CFAP20DC: variants seen among roughly 807,000 people sequenced by gnomAD.
CFAP20DC encodes CFAP20 domain containing, also known as protein CFAP20DC.
A neutral mutation model predicts 101.7 loss-of-function variants in CFAP20DC; 84 were observed. The observed-to-expected ratio is 0.83, with a 90% CI of 0.69 to 0.99. CFAP20DC has a LOEUF of 0.99. Ranked by LOEUF, CFAP20DC falls within the 50% of genes least tolerant of loss-of-function variation. The pLI, the probability that CFAP20DC is intolerant of heterozygous loss-of-function variation, is 0.00. For missense variants in CFAP20DC, 1,007 were observed against 970.3 expected (o/e 1.04, Z -0.50); for synonymous variants, 359 against 351.2 (o/e 1.02, Z -0.25).
chr3:58,779,218 T>C (rs1224960256), intron 15 of CFAP20DC, among the ~76,000 whole-genome samples: 2 of 151,906 alleles, frequency 1.3e-5, no homozygotes, highest in East Asian at 1.9e-4. Flanking sequence ...AATATAAAAA[T>C]ATCAGAAAAA....
At chr3:58,908,598 C>A (rs541713831) in intron 6 of CFAP20DC, among the ~76,000 whole-genome samples, 2 of 152,152 alleles carry the variant, frequency 1.3e-5, no homozygotes, top group African/African-American at 4.8e-5. Flanking sequence ...TTGCAAGTTT[C>A]TTACAAAACT....
intron 7 of CFAP20DC, among the ~76,000 whole-genome samples, chr3:58,883,681 A>G (rs753902026): frequency 6.6e-6 from 1 of 152,160 alleles, no homozygotes; most frequent in Non-Finnish European, 1.5e-5. Context: ...TCATTCAAAT[A>G]CTTCAGTGTT....
intron 15 of CFAP20DC, among the ~76,000 whole-genome samples, chr3:58,781,050 G>A (rs904468993): frequency 5.9e-5 from 9 of 151,772 alleles, no homozygotes; most frequent in African/African-American, 2.2e-4. Context: ...TAAAATAAGT[G>A]TCAATACATT....
intron 4 of CFAP20DC, among the ~76,000 whole-genome samples, chr3:58,991,129 G>A (rs779474392): frequency 1.3e-5 from 2 of 152,140 alleles, no homozygotes; most frequent in Non-Finnish European, 2.9e-5. Context: ...ACACTTGAAT[G>A]AATCAGTATG....
At chr3:58,822,830 C>G (rs1389152049) in intron 14 of CFAP20DC, among the ~76,000 whole-genome samples, 1 of 152,094 alleles carries the variant, frequency 6.6e-6, no homozygotes, top group Non-Finnish European at 1.5e-5. Context: ...TTCTCCTGTT[C>G]TCCCCTGCAG....
At chr3:58,884,737 C>G (rs2081481549) in intron 6 of CFAP20DC, 28 bp from the exon 7 acceptor site, 1 of 1,579,708 alleles carries the variant, frequency 6.3e-7, no homozygotes, top group African/African-American at 1.4e-5. Context: ...CATTCATTTT[C>G]AAAATGTAAG....
Position 58,873,671 on chromosome 3 carries a change from T to C in CFAP20DC, c.716-3362A>G, listed in dbSNP as rs1334519738. Among the ~76,000 whole-genome samples, 825 of 86,962 alleles carry C rather than the reference T, an allele frequency of 9.5e-3. No individual in the cohort carries two copies. In the Middle Eastern group the frequency reaches 0.1, roughly 11 times the overall value. The allele number at this position is 86,962 out of a possible 152,430, so 57.1% of individuals were successfully genotyped here. On this transcript the variant is annotated intron_variant, in intron 7 of 16. Coordinates refer to ENST00000482387, the MANE Select transcript of CFAP20DC (RefSeq NM_001394063.1). ...GGTGTTCAAGCAGAAGTCTGGATAG[T>C]TATGCTGGATGCTGTCAGGCAGGTG... is the stretch of plus-strand genomic sequence containing the variant.
chr3:58,825,074 A>C (rs994093425), intron 14 of CFAP20DC, among the ~76,000 whole-genome samples: 2 of 152,174 alleles, frequency 1.3e-5, no homozygotes, highest in Non-Finnish European at 2.9e-5. Context: ...AGAGACAGTG[A>C]AATGAAATAT....
intron 4 of CFAP20DC, among the ~76,000 whole-genome samples, chr3:58,969,106 G>A (rs1175313949): frequency 6.6e-6 from 1 of 152,158 alleles, no homozygotes; most frequent in Non-Finnish European, 1.5e-5. Context: ...TTTGGTTACT[G>A]TAGCCCTGTA....
In CFAP20DC at chr3:58,724,876, G is replaced by A. The variant is rs984933849; in HGVS notation, c.198-7248C>T. Reference sequence around the variant, plus strand: ...GGGATCTGGAAGTCAGCCCCAGGAAGCAGCCAACAAACAGATTAGTGGAGC... The same window carrying A: ...GGGATCTGGAAGTCAGCCCCAGGAAACAGCCAACAAACAGATTAGTGGAGC... On this transcript the variant is annotated intron_variant, in intron 3 of 3. Transcript: ENST00000486145. This position sits in a 1 kb window ranked among gnomAD's most constrained non-coding sequence, Gnocchi z 5.6. 6.6e-6 allele frequency among the ~76,000 whole-genome samples: 1 copy of A among 152,130 alleles called. No individual in the cohort carries two copies. Among genetic ancestry groups the A allele is most frequent in the South Asian group, 2.1e-4 (1 of 4,828 alleles).
intron 4 of CFAP20DC, among the ~76,000 whole-genome samples, chr3:58,943,911 G>T (rs1193562281): frequency 1.3e-5 from 2 of 152,160 alleles, no homozygotes; most frequent in South Asian, 2.1e-4. Context: ...CACAGCACAA[G>T]AATGTTGTGA....
intron 15 of CFAP20DC, among the ~76,000 whole-genome samples, chr3:58,804,048 A>C (rs1378762497): frequency 6.6e-6 from 1 of 152,212 alleles, no homozygotes; most frequent in Non-Finnish European, 1.5e-5. Flanking sequence ...TAGGACAATG[A>C]AATAAAAGTA....
chr3:58,885,611 C>T (rs1170810804), intron 6 of CFAP20DC, among the ~76,000 whole-genome samples: 1 of 150,540 alleles, frequency 6.6e-6, no homozygotes, highest in Non-Finnish European at 1.5e-5. Context: ...CCTACCCCTC[C>T]CTTCCCCCTA....
At position 58,788,178 on chromosome 3, in the gene CFAP20DC, CAA is replaced by C. The variant is rs1406660595; in HGVS notation, c.2237+18215_2237+18216del. ...AAAAGAGGAAGAAAACACTAAAAAA[CAA>C]AGCAAAACAAAACAAAACTCCAACT... On this transcript the variant is annotated intron_variant, in intron 15 of 16. Coordinates refer to ENST00000482387, the MANE Select transcript of CFAP20DC (RefSeq NM_001394063.1). The surrounding 1 kb of genome is among the most constrained non-coding windows in gnomAD (Gnocchi z 4.2). 6.6e-6 allele frequency among the ~76,000 whole-genome samples: 1 copy of C among 150,970 alleles called. No individual in the cohort carries two copies. Among genetic ancestry groups the C allele is most frequent in the Non-Finnish European group, 1.5e-5 (1 of 67,674 alleles).
At chr3:58,756,615 T>C (rs937240211) in intron 15 of CFAP20DC, among the ~76,000 whole-genome samples, 2 of 152,036 alleles carry the variant, frequency 1.3e-5, no homozygotes, top group Admixed American at 6.6e-5. Flanking sequence ...GAAGGGCACA[T>C]TTGGGGTAAG....
intron 16 of CFAP20DC, among the ~76,000 whole-genome samples, chr3:58,748,038 C>A (rs527429353): frequency 6.6e-6 from 1 of 152,074 alleles, no homozygotes; most frequent in African/African-American, 2.4e-5. Context: ...CTATATTTTA[C>A]TTGGAAAATG....
chr3:58,911,399 A>T (rs2084137537), intron 6 of CFAP20DC, among the ~76,000 whole-genome samples: 1 of 152,150 alleles, frequency 6.6e-6, no homozygotes, highest in South Asian at 2.1e-4. Context: ...AAAGATAGGT[A>T]ATATTAATCT....
intron 7 of CFAP20DC, among the ~76,000 whole-genome samples, chr3:58,876,975 T>C (rs2080801834): frequency 6.6e-6 from 1 of 152,238 alleles, no homozygotes; most frequent in Admixed American, 6.5e-5. Flanking sequence ...TTTCTAAGCC[T>C]CACCTCTTCA....
chr3:58,851,072 T>G (rs1220336096), intron 12 of CFAP20DC, among the ~76,000 whole-genome samples: 1 of 152,134 alleles, frequency 6.6e-6, no homozygotes, highest in Admixed American at 6.6e-5. Context: ...TCCTTTCTTC[T>G]TCATCACGGG....
Sources: gnomAD v4.1 joint callset for allele counts (sites outside exome capture counted in the v4.1 genomes callset) on GRCh38, gnomAD v4.1.1 for gene constraint, Gnocchi (gnomAD v3.1) non-coding constraint, MANE v1.5 for transcripts, NCBI Gene and HGNC (gene_info 2026-07-23, HGNC 2026-07-21) for gene names.